The following ARHGEF10L variants were observed in gnomAD, a reference collection of about 807,000 sequenced individuals.
The protein encoded by ARHGEF10L is Rho guanine nucleotide exchange factor 10 like.
ARHGEF10L carries 69 observed loss-of-function variants against 141.2 expected under a neutral mutation model. The ratio of observed to expected loss-of-function variants is 0.49; its 90% CI spans 0.40 to 0.60. The LOEUF (loss-of-function observed/expected upper bound fraction) is 0.60, where lower values mean the gene tolerates loss of function less well. Among genes scored for constraint, ARHGEF10L ranks in the 20% least tolerant of loss-of-function variants. The probability of loss-of-function intolerance (pLI) is 0.00; values close to 1 mark genes in which losing one functional copy is unlikely to be tolerated. For missense variants in ARHGEF10L, 1,482 were observed against 1,734.3 expected, an observed-to-expected ratio of 0.85 and a Z score of 2.58; for synonymous variants, 711 against 718.5, an observed-to-expected ratio of 0.99 and a Z score of 0.17.
intron 21 of ARHGEF10L, among the ~76,000 whole-genome samples, chr1:17,643,419 G>A (rs2061427426): frequency 6.6e-6 from 1 of 152,164 alleles, no homozygotes; most frequent in African/African-American, 2.4e-5. Context: ...CCCCAGCATG[G>A]CCACCACCAC....
Position 17,543,733 on chromosome 1 carries a change from C to T in ARHGEF10L, c.-44+3783C>T, listed in dbSNP as rs185877517. Among the ~76,000 whole-genome samples the T allele has an allele frequency of 8.8e-3, 1,334 of 152,028 alleles. 14 individuals carry two copies. The highest frequency in any genetic ancestry group is 0.013 in the Non-Finnish European group (905 of 67,986). ...TACAATCTTAGCTCACTGCAACCACCGCCCCCTGGTTTCAAGTGATTCTCC... is the reference window on the plus strand; with the variant it reads ...TACAATCTTAGCTCACTGCAACCACTGCCCCCTGGTTTCAAGTGATTCTCC... On this transcript the variant is annotated intron_variant, in intron 1 of 28. Transcript: ENST00000361221.
At chr1:17,638,784 T>C in intron 20 of ARHGEF10L, 95 bp downstream of exon 20, 21 of 1,546,082 alleles carry the variant, frequency 1.4e-5, no homozygotes, top group Non-Finnish European at 1.8e-5. Flanking sequence ...CCCTCTTATT[T>C]GTCGAGATGC....
chr1:17,604,531 GA>G (rs1390426182), intron 6 of ARHGEF10L: 7 of 152,248 alleles, frequency 4.6e-5, no homozygotes, highest in African/African-American at 1.7e-4. Context: ...CTCCGAGTCT[GA>G]TGGGGCAGCT....
In ARHGEF10L at chr1:17,621,759, G is replaced by T; in HGVS notation, c.943-105G>T. On this transcript the variant is annotated intron_variant, in intron 10 of 28. Coordinates refer to ENST00000361221, the MANE Select transcript of ARHGEF10L (RefSeq NM_018125.4). The surrounding 1 kb of genome is among the most constrained non-coding windows in gnomAD (Gnocchi z 4.1). ...CCCAGTGGTCCCAGGTGGGACCTGG[G>T]AGGGATGGGTTTCTCTGTCCTATAG... 1 of 1,033,002 alleles carries T rather than the reference G, an allele frequency of 9.7e-7. No homozygotes were observed. Among genetic ancestry groups the T allele is most frequent in the Non-Finnish European group, 1.5e-6 (1 of 663,416 alleles). The allele number at this position is 1,033,002 out of a possible 1,614,324, so 64.0% of individuals were successfully genotyped here.
In ARHGEF10L at chr1:17,673,620, C is replaced by T. The variant is rs1274859904; in HGVS notation, c.3009+9025C>T. On this transcript the variant is annotated intron_variant, in intron 26 of 28. Coordinates refer to ENST00000361221, the MANE Select transcript of ARHGEF10L (RefSeq NM_018125.4). This position sits in a 1 kb window ranked among gnomAD's most constrained non-coding sequence, Gnocchi z 4.1. ...CAATGGTCCTCTGTGAGCCTGGCAG[C>T]GGGGTAGCAGGGAAGGTCCACAGGA... Among the ~76,000 whole-genome samples, 3 of 152,162 alleles carry T rather than the reference C, an allele frequency of 2.0e-5. No homozygotes were observed. The highest frequency in any genetic ancestry group is 2.1e-4 in the South Asian group (1 of 4,834).
At chr1:17,631,383 C>T (rs1444971656) in intron 15 of ARHGEF10L, among the ~76,000 whole-genome samples, 2 of 152,180 alleles carry the variant, frequency 1.3e-5, no homozygotes, top group Non-Finnish European at 1.5e-5. Flanking sequence ...TTGGCAAATG[C>T]CTGCTTGGAT....
At chr1:17,566,806 C>T (rs2077774475) in intron 1 of ARHGEF10L, among the ~76,000 whole-genome samples, 1 of 152,194 alleles carries the variant, frequency 6.6e-6, no homozygotes, top group Non-Finnish European at 1.5e-5. Flanking sequence ...CATCAGCAAA[C>T]CCCATAACCT....
In ARHGEF10L at chr1:17,615,790, G is replaced by T; in HGVS notation, c.727-304G>T. On this transcript the variant is annotated intron_variant, in intron 8 of 28. Transcript: ENST00000361221. The surrounding 1 kb of genome is among the most constrained non-coding windows in gnomAD (Gnocchi z 4.7). Reference sequence around the variant, plus strand: ...GGTGGCCCAGGGCTCCAGGTCTCCAGCACCCCTCGGCCCCCTCCTCACCAG... The same window carrying T: ...GGTGGCCCAGGGCTCCAGGTCTCCATCACCCCTCGGCCCCCTCCTCACCAG... The T allele has an allele frequency of 3.8e-6, 1 of 266,010 alleles. No homozygotes were observed. Among genetic ancestry groups the T allele is most frequent in the East Asian group, 7.2e-5 (1 of 13,904 alleles). 16.5% of individuals were successfully genotyped at this position (266,010 alleles called of 1,614,324 possible). A position where few individuals can be genotyped will look rare whatever the true frequency, so the allele number is the denominator to read the frequency against.
At chr1:17,687,980 G>A (rs1000202155) in intron 27 of ARHGEF10L, among the ~76,000 whole-genome samples, 5 of 152,180 alleles carry the variant, frequency 3.3e-5, no homozygotes, top group Admixed American at 6.5e-5. Flanking sequence ...AGCCTGGGGC[G>A]CTCAGGAAAT....
intron 26 of ARHGEF10L, among the ~76,000 whole-genome samples, chr1:17,667,135 G>A (rs919868642): frequency 1.3e-5 from 2 of 152,228 alleles, no homozygotes; most frequent in Non-Finnish European, 2.9e-5. Flanking sequence ...GGAGTATACT[G>A]GTGGACAGGT....
chr1:17,670,280 T>G (rs2102262270), intron 26 of ARHGEF10L, among the ~76,000 whole-genome samples: 1 of 152,312 alleles, frequency 6.6e-6, no homozygotes, highest in South Asian at 2.1e-4. Flanking sequence ...GCACCCGCGG[T>G]CTGTCTCTGG....
At chr1:17,589,810 T>G (rs986564357) in intron 4 of ARHGEF10L, among the ~76,000 whole-genome samples, 1 of 151,984 alleles carries the variant, frequency 6.6e-6, no homozygotes, top group Non-Finnish European at 1.5e-5. Context: ...AGAAACTCAG[T>G]CTGGTGGGAG....
At chr1:17,640,424 G>T in intron 21 of ARHGEF10L, 122 bp downstream of exon 21, 1 of 791,806 alleles carries the variant, frequency 1.3e-6, no homozygotes, top group Non-Finnish European at 2.0e-6. Flanking sequence ...CTTCTGAGTG[G>T]GAGGGAGGTG....
Position 17,627,569 on chromosome 1 carries a change from C to T in ARHGEF10L, c.1584+66C>T, listed in dbSNP as rs2060457044. On this transcript the variant is annotated intron_variant, in intron 15 of 28. Coordinates refer to ENST00000361221, the MANE Select transcript of ARHGEF10L (RefSeq NM_018125.4). This position sits in a 1 kb window ranked among gnomAD's most constrained non-coding sequence, Gnocchi z 4.0. The stretch of plus-strand genomic sequence containing the variant: ...CCTCACCTGTGCTCCTGCCCGTGCC[C>T]CTGCCCCACGCCACCCACACTAGGT... 1 of 1,550,916 alleles carries T rather than the reference C, an allele frequency of 6.4e-7. No individual in the cohort carries two copies. Among genetic ancestry groups the T allele is most frequent in the Non-Finnish European group, 8.7e-7 (1 of 1,145,542 alleles).
chr1:17,615,828 C>T lies in ARHGEF10L; in HGVS notation c.727-266C>T, dbSNP rs1029481733. The T allele has an allele frequency of 5.1e-5, 19 of 370,418 alleles. No individual in the cohort carries two copies. The highest frequency in any genetic ancestry group is 8.1e-5 in the Non-Finnish European group (16 of 198,090). 22.9% of individuals were successfully genotyped at this position (370,418 alleles called of 1,614,324 possible). ...CCCTCCTCACCAGGTCACATCATCT[C>T]CTGGATTAGAAATCTGCTCACATAG... On this transcript the variant is annotated intron_variant, in intron 8 of 28. Transcript: ENST00000361221. The surrounding 1 kb of genome is among the most constrained non-coding windows in gnomAD (Gnocchi z 4.7).
At chr1:17,658,735 A>G (rs2062426142) in intron 25 of ARHGEF10L, among the ~76,000 whole-genome samples, 1 of 152,098 alleles carries the variant, frequency 6.6e-6, no homozygotes, top group African/African-American at 2.4e-5. Flanking sequence ...TTAGTAAACA[A>G]GCAGAAGTAT....
chr1:17,669,326 C>T (rs1030536458), intron 26 of ARHGEF10L, among the ~76,000 whole-genome samples: 13 of 152,214 alleles, frequency 8.5e-5, no homozygotes, highest in African/African-American at 2.4e-4. Context: ...TTTCTGACTC[C>T]TCCCACCCTC....
chr1:17,615,976 A>T lies in ARHGEF10L; in HGVS notation c.727-118A>T, dbSNP rs888674917. 1 of 776,498 alleles carries T rather than the reference A, an allele frequency of 1.3e-6. No homozygotes were observed. Among genetic ancestry groups the T allele is most frequent in the African/African-American group, 1.7e-5 (1 of 57,952 alleles). 48.1% of individuals were successfully genotyped at this position (776,498 alleles called of 1,614,324 possible). ...CTTGGCCTTTGCTCACGGACCTGGGAGGGAAGGGTCTGGGTGGTTCTGATC... is the reference window on the plus strand; with the variant it reads ...CTTGGCCTTTGCTCACGGACCTGGGTGGGAAGGGTCTGGGTGGTTCTGATC... On this transcript the variant is annotated intron_variant, in intron 8 of 28. Coordinates refer to ENST00000361221, the MANE Select transcript of ARHGEF10L (RefSeq NM_018125.4). This position sits in a 1 kb window ranked among gnomAD's most constrained non-coding sequence, Gnocchi z 4.7.
Position 17,624,397 on chromosome 1 carries a change from C to A in ARHGEF10L, c.1211C>A (p.Ser404Tyr), listed in dbSNP as rs751123521. Residue 404 changes from serine to tyrosine, a missense_variant, in exon 13 of 29, where the codon TCC becomes TAC. By Grantham distance (144) the Ser-to-Tyr change is moderately radical (BLOSUM62 -2). This residue lies in a region of ARHGEF10L where 392 missense variants were observed against 542.1 expected (regional missense o/e 0.72). Transcript: ENST00000361221. ...GDLFVASFSKSMVLDVYSDYV... is the reference protein window; with the variant it reads ...GDLFVASFSKYMVLDVYSDYV... Reference sequence around the variant, plus strand: ...CCTGCCTTGTTTCAGTTTTCCAAGTCCATGGTGCTAGATGTGTACAGTGAC... The same window carrying A: ...CCTGCCTTGTTTCAGTTTTCCAAGTACATGGTGCTAGATGTGTACAGTGAC... 2 of 1,613,924 alleles carry A rather than the reference C, an allele frequency of 1.2e-6. No homozygotes were observed. The highest frequency in any genetic ancestry group is 1.7e-6 in the Non-Finnish European group (2 of 1,179,812).
Sources: gnomAD v4.1 joint callset for allele counts (sites outside exome capture counted in the v4.1 genomes callset) on GRCh38, gnomAD v4.1.1 for gene constraint, gnomAD v4.1.1 regional missense constraint, Gnocchi (gnomAD v3.1) non-coding constraint, MANE v1.5 for transcripts, NCBI Gene and HGNC (gene_info 2026-07-23, HGNC 2026-07-21) for gene names.